The following TSPAN14 variants were observed in gnomAD, a reference collection of about 807,000 sequenced individuals.
TSPAN14 encodes the protein tetraspanin 14.
TSPAN14 carries 16 observed loss-of-function variants against 36.6 expected under a neutral mutation model. That is an observed-to-expected ratio of 0.44 (90% CI 0.30 to 0.66). The LOEUF (loss-of-function observed/expected upper bound fraction) is 0.66. Ranked by LOEUF, TSPAN14 falls within the 30% of genes least tolerant of loss-of-function variation. TSPAN14 has a pLI of 0.12. For synonymous variants in TSPAN14, 139 were observed against 143.8 expected, an observed-to-expected ratio of 0.97 and a Z score of 0.24; for missense variants, 231 against 355.1, an observed-to-expected ratio of 0.65 and a Z score of 2.81.
At chr10:80,501,574 A>G (rs1028014435) in intron 2 of TSPAN14, among the ~76,000 whole-genome samples, 1 of 152,166 alleles carries the variant, frequency 6.6e-6, no homozygotes, top group Admixed American at 6.5e-5. Flanking sequence ...CACCTGTCCC[A>G]TGTGGCCCCA....
chr10:80,469,541 A>G (rs537672701), intron 1 of TSPAN14, among the ~76,000 whole-genome samples: 41 of 152,188 alleles, frequency 2.7e-4, no homozygotes, highest in African/African-American at 9.6e-4. Context: ...TCAGCTACCC[A>G]AGGGCTCCCC....
chr10:80,500,117 G>C (rs1391099016), intron 2 of TSPAN14, among the ~76,000 whole-genome samples: 1 of 152,086 alleles, frequency 6.6e-6, no homozygotes, highest in Admixed American at 6.5e-5. Context: ...CTCTCAGGCA[G>C]ATCACTTCCC....
At chr10:80,485,743 G>A in intron 1 of TSPAN14, 1 of 947,078 alleles carries the variant, frequency 1.1e-6, no homozygotes, top group African/African-American at 1.8e-5. Flanking sequence ...TGGGTGGCAG[G>A]GGTGGGAAAG....
At chr10:80,457,182 G>A (rs1183013928) in intron 1 of TSPAN14, among the ~76,000 whole-genome samples, 1 of 151,842 alleles carries the variant, frequency 6.6e-6, no homozygotes, top group Non-Finnish European at 1.5e-5. Flanking sequence ...TATGAGCTGG[G>A]TTTTCTCATT....
chr10:80,475,181 A>G (rs559560802), intron 1 of TSPAN14, among the ~76,000 whole-genome samples: 26 of 152,206 alleles, frequency 1.7e-4, no homozygotes, highest in Non-Finnish European at 2.6e-4. Context: ...CAAGGCTCAC[A>G]AACAGCTGGT....
intron 2 of TSPAN14, among the ~76,000 whole-genome samples, chr10:80,501,915 A>G (rs1258446479): frequency 1.3e-5 from 2 of 152,140 alleles, no homozygotes; most frequent in Admixed American, 6.5e-5. Context: ...TTGGGCTGCA[A>G]CTCTGAACAA....
intron 7 of TSPAN14, 151 bp from the exon 8 acceptor site, chr10:80,516,053 A>C: frequency 8.7e-7 from 1 of 1,152,060 alleles, no homozygotes; most frequent in East Asian, 2.4e-5. Flanking sequence ...AGAGGAGCTG[A>C]CGAGCATCTC....
chr10:80,459,013 T>A (rs896217516), intron 1 of TSPAN14, among the ~76,000 whole-genome samples: 4 of 152,064 alleles, frequency 2.6e-5, no homozygotes, highest in Non-Finnish European at 5.9e-5. Context: ...TCTACTTTTC[T>A]CATCTGTAAA....
chr10:80,518,070 C>T, exon 9 of TSPAN14: 6 of 1,293,768 alleles, frequency 4.6e-6, no homozygotes, highest in Non-Finnish European at 6.5e-6. Flanking sequence ...GGAGCCGACA[C>T]CCCCAGAGCC....
chr10:80,484,911 T>C (rs913624075), intron 1 of TSPAN14, among the ~76,000 whole-genome samples: 2 of 152,232 alleles, frequency 1.3e-5, no homozygotes, highest in African/African-American at 4.8e-5. Context: ...TGTTATTTGC[T>C]TATTATTTAA....
At chr10:80,481,039 A>G (rs1847243552) in intron 1 of TSPAN14, among the ~76,000 whole-genome samples, 1 of 152,118 alleles carries the variant, frequency 6.6e-6, no homozygotes, top group African/African-American at 2.4e-5. Flanking sequence ...CGGAAGGCAG[A>G]GTTTGCAGTG....
chr10:80,512,619 C>G (rs1840720337), intron 6 of TSPAN14, among the ~76,000 whole-genome samples: 1 of 152,196 alleles, frequency 6.6e-6, no homozygotes, highest in African/African-American at 2.4e-5. Flanking sequence ...ATTCCTAGAA[C>G]TCAACAGTGC....
rs557091330 is a variant in TSPAN14 at position 80,512,188 on chromosome 10, C to T, written c.495C>T (p.Asn165=). The change falls in exon 6 of 9, where the codon AAC becomes AAT. Residue 165 remains asparagine, a synonymous_variant. Transcript: ENST00000429989. ...ATGGCCCTGAAGACTGGGACCTCAACGTCTACTTCAATTGCAGCGGTGCCA... is the reference window on the plus strand; with the variant it reads ...ATGGCCCTGAAGACTGGGACCTCAATGTCTACTTCAATTGCAGCGGTGCCA... 1.2e-4 allele frequency: 188 copies of T among 1,614,202 alleles called. 1 individual carries two copies. Among genetic ancestry groups the T allele is most frequent in the South Asian group, 8.3e-4 (76 of 91,082 alleles).
At chr10:80,482,817 C>T (rs1847366529) in intron 1 of TSPAN14, among the ~76,000 whole-genome samples, 3 of 149,462 alleles carry the variant, frequency 2.0e-5, no homozygotes, top group Admixed American at 1.3e-4. Context: ...CTCACTGCAA[C>T]CCCCGCCTCT....
At chr10:80,512,353 A>G in intron 6 of TSPAN14, 84 bp downstream of exon 6, 1 of 1,551,560 alleles carries the variant, frequency 6.4e-7, no homozygotes, top group Non-Finnish European at 8.7e-7. Context: ...GCTCTAGGAT[A>G]CTTCTCTGTC....
At chr10:80,500,697 T>TG (rs1848461432) in intron 2 of TSPAN14, among the ~76,000 whole-genome samples, 1 of 152,146 alleles carries the variant, frequency 6.6e-6, no homozygotes, top group African/African-American at 2.4e-5. Flanking sequence ...CACGCAGTGG[T>TG]GGGGAGCTGG....
chr10:80,469,766 G>T (rs1014191194), intron 1 of TSPAN14, among the ~76,000 whole-genome samples: 1 of 152,098 alleles, frequency 6.6e-6, no homozygotes, highest in Non-Finnish European at 1.5e-5. Context: ...ATTTTTGTTT[G>T]TTTTGTTTTA....
At chr10:80,516,054 C>T (rs1475654610) in intron 7 of TSPAN14, 150 bp from the exon 8 acceptor site, 7 of 1,167,330 alleles carry the variant, frequency 6.0e-6, no homozygotes, top group African/African-American at 4.6e-5. Context: ...GAGGAGCTGA[C>T]GAGCATCTCC....
chr10:80,454,405 G>T (rs1589224056), intron 1 of TSPAN14, 34 bp downstream of exon 1: 1 of 152,390 alleles, frequency 6.6e-6, no homozygotes, highest in Non-Finnish European at 1.5e-5. Context: ...CTGGGGCGTC[G>T]GGCCCTGCCC....
Sources: allele counts gnomAD v4.1 joint callset (sites outside exome capture counted in the v4.1 genomes callset), GRCh38; gene constraint gnomAD v4.1.1; transcripts MANE v1.5; gene names NCBI Gene and HGNC (gene_info 2026-07-23, HGNC 2026-07-21).